TMEM237: variants seen among roughly 807,000 people sequenced by gnomAD.
TMEM237 encodes amyotrophic lateral sclerosis 2 (juvenile) chromosome region, candidate 4.
TMEM237 carries 51 observed loss-of-function variants against 59.1 expected under a neutral mutation model. That is an observed-to-expected ratio of 0.86 (90% CI 0.69 to 1.09). The LOEUF (loss-of-function observed/expected upper bound fraction) is 1.09. TMEM237 is among the 50% of genes least tolerant of loss of function. The pLI is 0.00. For synonymous variants in TMEM237, 140 were observed against 166.1 expected (o/e 0.84, Z 1.21); for missense variants, 475 against 478.3 (o/e 0.99, Z 0.06).
At chr2:201,640,194 G>C (rs1157351542) in intron 3 of TMEM237, 67 bp downstream of exon 3, 11 of 1,355,200 alleles carry the variant, frequency 8.1e-6, no homozygotes, top group Non-Finnish European at 1.1e-5. Context: ...AGTTTTAAGA[G>C]AAACAAACCA....
chr2:201,634,088 A>G (rs1559588059), intron 5 of TMEM237, among the ~76,000 whole-genome samples: 1 of 152,218 alleles, frequency 6.6e-6, no homozygotes, highest in Non-Finnish European at 1.5e-5. Context: ...ATTTAGGGAA[A>G]GTTTTCTATC....
rs1465613495 is a variant in TMEM237 at position 201,628,066 on chromosome 2, G to A, written c.943+10C>T. 2.5e-6 allele frequency: 4 copies of A among 1,599,726 alleles called. No homozygotes were observed. The highest frequency in any genetic ancestry group is 2.6e-6 in the Non-Finnish European group (3 of 1,171,356). ...TATTACACAGTTATCATGTTAAACT[G>A]CTTACTCACAGAAAGATGCTAAAGC... On this transcript the variant is annotated intron_variant, in intron 10 of 12. Transcript: ENST00000409883.
At chr2:201,627,892 T>C (rs1559585297) in intron 10 of TMEM237, among the ~76,000 whole-genome samples, 184 bp downstream of exon 10, 3 of 152,268 alleles carry the variant, frequency 2.0e-5, no homozygotes, top group South Asian at 2.1e-4. Flanking sequence ...TGAACCTCAA[T>C]TGAAAAAATA....
Position 201,636,889 on chromosome 2 carries a change from T to C in TMEM237, c.137-4A>G, listed in dbSNP as rs773517687. ...AGGCCTTCCAAAGAAGCACTTGCTA[T>C]AGAAAAACAGAGTAGAAAAAAATGA... On this transcript the variant is annotated splice_polypyrimidine_tract_variant and splice_region_variant and intron_variant, in intron 4 of 12. Coordinates refer to ENST00000409883, the MANE Select transcript of TMEM237 (RefSeq NM_001044385.3). The C allele has an allele frequency of 3.1e-6, 5 of 1,594,796 alleles. No homozygotes were observed. The highest frequency in any genetic ancestry group is 2.7e-5 in the African/African-American group (2 of 74,026).
chr2:201,623,650 A>T lies in TMEM237; in HGVS notation c.*605T>A, dbSNP rs1957730975. The T allele has an allele frequency of 6.6e-6, 1 of 152,404 alleles. No homozygotes were observed. Among genetic ancestry groups the T allele is most frequent in the African/African-American group, 2.4e-5 (1 of 41,456 alleles). 9.4% of individuals were successfully genotyped at this position (152,404 alleles called of 1,614,324 possible). ...ACCACTAGTACAGATTATAATGAGA[A>T]GCAACTTTTTAGTTACTTCTAGGTA... is the stretch of plus-strand genomic sequence containing the variant. On this transcript the variant is annotated 3_prime_UTR_variant, in exon 13 of 13. Transcript: ENST00000409883.
chr2:201,628,013 C>T, intron 10 of TMEM237, 63 bp downstream of exon 10: 3 of 1,207,018 alleles, frequency 2.5e-6, no homozygotes, highest in South Asian at 1.6e-5. Context: ...TATATTTATC[C>T]TGGTTCAAAA....
At chr2:201,627,618 G>A (rs760387713) in intron 10 of TMEM237, among the ~76,000 whole-genome samples, 3 of 152,044 alleles carry the variant, frequency 2.0e-5, no homozygotes, top group African/African-American at 2.4e-5. Flanking sequence ...CTTTTGAGAC[G>A]TTCACTATTT....
chr2:201,632,288 T>C (rs1419010914), intron 6 of TMEM237, 80 bp from the exon 7 acceptor site: 1 of 1,480,576 alleles, frequency 6.8e-7, no homozygotes, highest in East Asian at 2.3e-5. Context: ...GCTATAAATA[T>C]AATGGAAAGG....
chr2:201,641,833 G>A (rs545165175), intron 1 of TMEM237, among the ~76,000 whole-genome samples: 1 of 152,054 alleles, frequency 6.6e-6, no homozygotes, highest in Admixed American at 6.6e-5. Flanking sequence ...AGCAGCAACC[G>A]GAACAAATGC....
At chr2:201,627,953 A>G (rs1031385078) in intron 10 of TMEM237, 123 bp downstream of exon 10, 2 of 558,234 alleles carry the variant, frequency 3.6e-6, no homozygotes, top group Non-Finnish European at 6.1e-6. Context: ...TTCACTGAAC[A>G]TCTATAGGTA....
rs76296365 is a variant in TMEM237 at position 201,639,056 on chromosome 2, A to G, written c.80-11T>C. The G allele has an allele frequency of 8.7e-4, 1,369 of 1,570,596 alleles. 11 individuals carry two copies. The African/African-American group carries it at 0.015, about 17-fold the overall frequency. On this transcript the variant is annotated splice_polypyrimidine_tract_variant and intron_variant, in intron 3 of 12. Transcript: ENST00000409883. The stretch of plus-strand genomic sequence containing the variant: ...TAAGTGGAATATCATCTATAAAGCA[A>G]GAAAAAACGTCAACAGAAAAGGGTG...
rs1687462668 is a variant in TMEM237, at chr2:201,643,035, GGAGAGGCCTGGCTGGAAGCCCCGGCAC to G, written c.42+297_42+323del. 1.6e-6 allele frequency: 2 copies of G among 1,282,614 alleles called. No individual in the cohort carries two copies. The highest frequency in any genetic ancestry group is 3.1e-5 in the African/African-American group (2 of 63,686). The allele number at this position is 1,282,614 out of a possible 1,614,324, so 79.5% of individuals were successfully genotyped here. ...ACAGACCTCTCCTCGGAGGAGTCTA[GGAGAGGCCTGGCTGGAAGCCCCGGCAC>G]CCGCCGGGCCCCGGGCCTCAGATGA... On this transcript the variant is annotated intron_variant, in intron 1 of 12. Transcript: ENST00000409883. The surrounding 1 kb of genome is among the most constrained non-coding windows in gnomAD (Gnocchi z 4.3).
rs778930914 is a variant in TMEM237 at position 201,642,650 on chromosome 2, G to A, written c.42+709C>T. The A allele has an allele frequency of 3.7e-6, 6 of 1,607,690 alleles. No homozygotes were observed. In the African/African-American group the frequency reaches 4.0e-5, roughly 11 times the overall value. ...ATTCTGCGTTTAGCCGGCCTCGGCGGCCGCCGGCCCCCAAGCACCTGGCGC... is the reference window on the plus strand; with the variant it reads ...ATTCTGCGTTTAGCCGGCCTCGGCGACCGCCGGCCCCCAAGCACCTGGCGC... On this transcript the variant is annotated intron_variant, in intron 1 of 12. Coordinates refer to ENST00000409883, the MANE Select transcript of TMEM237 (RefSeq NM_001044385.3).
chr2:201,640,730 A>T (rs1034453894), intron 2 of TMEM237, among the ~76,000 whole-genome samples, 163 bp downstream of exon 2: 8 of 152,200 alleles, frequency 5.3e-5, no homozygotes, highest in Admixed American at 4.6e-4. Flanking sequence ...GTTATTCTTA[A>T]AATTCAAGGA....
chr2:201,623,328 G>T lies in TMEM237; in HGVS notation c.*927C>A. The T allele has an allele frequency of 3.1e-6, 1 of 317,940 alleles. No homozygotes were observed. The highest frequency in any genetic ancestry group is 2.9e-5 in the South Asian group (1 of 33,934). 19.7% of individuals were successfully genotyped at this position (317,940 alleles called of 1,614,324 possible). A position where few individuals can be genotyped will look rare whatever the true frequency, so the allele number is the denominator to read the frequency against. On this transcript the variant is annotated 3_prime_UTR_variant, in exon 13 of 13. Transcript: ENST00000409883. Reference sequence around the variant, plus strand: ...ATATACAACAGCTGAGGTACCATTGGATATAGTTCTGAAGAGATCTTTCCC... The same window carrying T: ...ATATACAACAGCTGAGGTACCATTGTATATAGTTCTGAAGAGATCTTTCCC...
intron 4 of TMEM237, 25 bp from the exon 5 acceptor site, chr2:201,636,910 A>G: frequency 6.3e-7 from 1 of 1,579,586 alleles, no homozygotes; most frequent in Non-Finnish European, 8.6e-7. Flanking sequence ...AGTAGAAAAA[A>G]ATGAGATTAC....
intron 1 of TMEM237, chr2:201,642,984 G>T: frequency 7.7e-7 from 1 of 1,300,466 alleles, no homozygotes; most frequent in Non-Finnish European, 9.7e-7. Context: ...GGACTCCGCA[G>T]GCGAACAGAT....
rs781571059 is a variant in TMEM237 at position 201,632,105 on chromosome 2, T to C, written c.499A>G (p.Thr167Ala). Reference sequence around the variant, plus strand: ...GGCTGGCTAATGCCAGTGGGTGCAGTGAATACAGACTGCTGTTCCACAGTA... The same window carrying C: ...GGCTGGCTAATGCCAGTGGGTGCAGCGAATACAGACTGCTGTTCCACAGTA... ...QTTVEQQSVFTAPTGISQPVG... is the reference protein window; with the variant it reads ...QTTVEQQSVFAAPTGISQPVG... The change falls in exon 7 of 13, where the codon ACT becomes GCT. Residue 167 changes from threonine to alanine, a missense_variant. Transcript: ENST00000409883. 1.5e-4 allele frequency: 244 copies of C among 1,613,860 alleles called. No individual in the cohort carries two copies. Among genetic ancestry groups the C allele is most frequent in the Non-Finnish European group, 2.0e-4 (236 of 1,179,850 alleles).
rs1957730664 is a variant in TMEM237 at position 201,623,622 on chromosome 2, A to G, written c.*633T>C. On this transcript the variant is annotated 3_prime_UTR_variant, in exon 13 of 13. Transcript: ENST00000409883. The stretch of plus-strand genomic sequence containing the variant: ...TGATCCTGATGTACAACCAGATATG[A>G]GAACCACTAGTACAGATTATAATGA... 6.6e-6 allele frequency: 1 copy of G among 152,572 alleles called. No individual in the cohort carries two copies. Among genetic ancestry groups the G allele is most frequent in the Non-Finnish European group, 1.5e-5 (1 of 68,288 alleles). The allele number at this position is 152,572 out of a possible 1,614,324, so 9.5% of individuals were successfully genotyped here.
Sources: gnomAD v4.1 joint callset for allele counts (sites outside exome capture counted in the v4.1 genomes callset) on GRCh38, gnomAD v4.1.1 for gene constraint, Gnocchi (gnomAD v3.1) non-coding constraint, MANE v1.5 for transcripts, NCBI Gene and HGNC (gene_info 2026-07-23, HGNC 2026-07-21) for gene names.